The following EEPD1 variants were observed in gnomAD, a reference collection of about 807,000 sequenced individuals.
The protein encoded by EEPD1 is endonuclease/exonuclease/phosphatase family domain-containing protein 1.
EEPD1 carries 17 observed loss-of-function variants against 46.3 expected under a neutral mutation model. The ratio of observed to expected loss-of-function variants is 0.37; its 90% CI spans 0.25 to 0.55. The LOEUF (loss-of-function observed/expected upper bound fraction) is 0.55. Among genes scored for constraint, EEPD1 ranks in the 20% least tolerant of loss-of-function variants. EEPD1 has a pLI of 0.83. For synonymous variants in EEPD1, 313 were observed against 315.6 expected, an observed-to-expected ratio of 0.99 and a Z score of 0.09; for missense variants, 673 against 745.6, an observed-to-expected ratio of 0.90 and a Z score of 1.13.
chr7:36,154,084 C>A lies in EEPD1; in HGVS notation c.-192-49C>A. ...TAGCACTAGGTAGGGGGTGCTAATG[C>A]AAATTTCTTAATTCAATGGGTTTCT... On this transcript the variant is annotated intron_variant, in intron 1 of 7. Transcript: ENST00000242108. The surrounding 1 kb of genome is among the most constrained non-coding windows in gnomAD (Gnocchi z 4.2). 1.7e-6 allele frequency: 1 copy of A among 574,820 alleles called. No homozygotes were observed. Among genetic ancestry groups the A allele is most frequent in the Non-Finnish European group, 3.1e-6 (1 of 327,854 alleles). 35.6% of individuals were successfully genotyped at this position (574,820 alleles called of 1,614,324 possible). A position where few individuals can be genotyped will look rare whatever the true frequency, so the allele number is the denominator to read the frequency against.
intron 3 of EEPD1, among the ~76,000 whole-genome samples, chr7:36,264,920 A>G (rs973234400): frequency 4.6e-5 from 7 of 152,316 alleles, no homozygotes; most frequent in Admixed American, 3.3e-4. Flanking sequence ...CTGAAAAAAA[A>G]AAAAACAAAA....
chr7:36,295,666 G>A, intron 6 of EEPD1, among the ~76,000 whole-genome samples: 1 of 152,200 alleles, frequency 6.6e-6, no homozygotes, highest in East Asian at 1.9e-4. Context: ...GCCTTGGAAA[G>A]CAGGCTGGCA....
chr7:36,236,329 G>C (rs1426037444), intron 2 of EEPD1, among the ~76,000 whole-genome samples: 1 of 152,236 alleles, frequency 6.6e-6, no homozygotes, highest in African/African-American at 2.4e-5. Flanking sequence ...GCGGGCCACG[G>C]GTTCCAGGTG....
chr7:36,224,090 G>T (rs542686319), intron 2 of EEPD1, among the ~76,000 whole-genome samples: 2 of 152,288 alleles, frequency 1.3e-5, no homozygotes, highest in South Asian at 4.1e-4. Flanking sequence ...GGACTTTCCT[G>T]TGGAGCCTCA....
chr7:36,207,856 A>G (rs1262718226), intron 2 of EEPD1, among the ~76,000 whole-genome samples: 2 of 150,474 alleles, frequency 1.3e-5, no homozygotes, highest in Non-Finnish European at 3.0e-5. Context: ...CCCCAGGTGA[A>G]CTGGCTGCTT....
intron 2 of EEPD1, among the ~76,000 whole-genome samples, chr7:36,157,916 T>A (rs1202142739): frequency 3.3e-5 from 5 of 152,126 alleles, no homozygotes; most frequent in African/African-American, 1.2e-4. Flanking sequence ...TTCCAATTGT[T>A]CCCGTATTAG....
At chr7:36,173,293 C>T (rs955105302) in intron 2 of EEPD1, among the ~76,000 whole-genome samples, 6 of 136,562 alleles carry the variant, frequency 4.4e-5, no homozygotes, top group Admixed American at 1.6e-4. Flanking sequence ...TTGAGACCAT[C>T]GTGGCCAACA....
intron 3 of EEPD1, among the ~76,000 whole-genome samples, chr7:36,279,517 C>G (rs142395545): frequency 6.6e-6 from 1 of 152,342 alleles, no homozygotes; most frequent in East Asian, 1.9e-4. Flanking sequence ...AAAGACCAGA[C>G]CTTTAGACCC....
intron 2 of EEPD1, among the ~76,000 whole-genome samples, chr7:36,219,681 G>A (rs1378739303): frequency 6.8e-6 from 1 of 146,350 alleles, no homozygotes; most frequent in African/African-American, 2.7e-5. Flanking sequence ...AGGAAAGAAG[G>A]AAAGAAGAAG....
chr7:36,285,116 G>A (rs1165105500), intron 5 of EEPD1, among the ~76,000 whole-genome samples: 2 of 152,070 alleles, frequency 1.3e-5, no homozygotes, highest in African/African-American at 4.8e-5. Flanking sequence ...GAGTCTCCTG[G>A]GGAGATTTTC....
At chr7:36,262,495 TGA>T (rs916602433) in intron 3 of EEPD1, among the ~76,000 whole-genome samples, 1 of 152,166 alleles carries the variant, frequency 6.6e-6, no homozygotes, top group Non-Finnish European at 1.5e-5. Flanking sequence ...GTGAGTGACT[TGA>T]GAGATTCAAG....
At chr7:36,212,497 C>T (rs751922134) in intron 2 of EEPD1, among the ~76,000 whole-genome samples, 8 of 63,312 alleles carry the variant, frequency 1.3e-4, no homozygotes, top group Non-Finnish European at 2.9e-4. Context: ...AGTACATATA[C>T]ACCAGAATAC....
rs1169216911 is a variant in EEPD1 at position 36,299,215 on chromosome 7, A to C, written c.*9A>C. ...TCAAGCACGAGCGATGATGACACCAAATCCATGTGTCCACCCTGGGACCCA... is the reference window on the plus strand; with the variant it reads ...TCAAGCACGAGCGATGATGACACCACATCCATGTGTCCACCCTGGGACCCA... On this transcript the variant is annotated 3_prime_UTR_variant, in exon 8 of 8. Coordinates refer to ENST00000242108, the MANE Select transcript of EEPD1 (RefSeq NM_030636.3). 51 of 1,612,804 alleles carry C rather than the reference A, an allele frequency of 3.2e-5. No homozygotes were observed. The highest frequency in any genetic ancestry group is 4.2e-5 in the Non-Finnish European group (50 of 1,179,388).
chr7:36,245,022 T>G (rs1786614601), intron 3 of EEPD1, among the ~76,000 whole-genome samples: 1 of 151,964 alleles, frequency 6.6e-6, no homozygotes, highest in African/African-American at 2.4e-5. Context: ...CTCGGCTCAC[T>G]GCAACCTTCA....
chr7:36,156,912 G>C (rs532178246), intron 2 of EEPD1, among the ~76,000 whole-genome samples: 16 of 152,142 alleles, frequency 1.1e-4, no homozygotes, highest in Non-Finnish European at 1.9e-4. Flanking sequence ...TCCAGGTCTA[G>C]TCGGCCCTCC....
chr7:36,176,696 G>A (rs1369810636), intron 2 of EEPD1, among the ~76,000 whole-genome samples: 1 of 152,108 alleles, frequency 6.6e-6, no homozygotes, highest in Non-Finnish European at 1.5e-5. Flanking sequence ...TAATTAAAAA[G>A]ATAGTATATT....
intron 3 of EEPD1, among the ~76,000 whole-genome samples, chr7:36,268,706 G>A (rs1013870853): frequency 6.6e-6 from 1 of 152,182 alleles, no homozygotes; most frequent in Non-Finnish European, 1.5e-5. Flanking sequence ...CTGTAGTCTA[G>A]GCCTGAGGGA....
At position 36,297,120 on chromosome 7, in the gene EEPD1, G is replaced by C. The variant is rs1324759837; in HGVS notation, c.1443G>C (p.Lys481Asn). 1.2e-6 allele frequency: 2 copies of C among 1,614,192 alleles called. No homozygotes were observed. Among genetic ancestry groups the C allele is most frequent in the Admixed American group, 1.7e-5 (1 of 60,020 alleles). Residue 481 changes from lysine (K) to asparagine (N), a missense_variant, in exon 7 of 8, where the codon AAG becomes AAC. By Grantham distance (94) the Lys-to-Asn change is moderately conservative (BLOSUM62 0). Coordinates refer to ENST00000242108, the MANE Select transcript of EEPD1 (RefSeq NM_030636.3). ...PAHTFTNIST[K>N]NPQGSKSLDN... ...ACACCTTCACCAACATCAGCACCAA[G>C]AACCCTCAAGGCTCGAAGTCTCTGG... is the stretch of plus-strand genomic sequence containing the variant.
chr7:36,296,995 G>T lies in EEPD1; in HGVS notation c.1318G>T (p.Glu440Ter). ...AQTLQETLKG[E>*]KDVIILGDFG... ...CATTTTCTTCCTTCCACTTCCAGGA[G>T]AAAAGGATGTCATTATCTTAGGGGA... The change falls in exon 7 of 8, where the codon GAA (glutamate) becomes TAA (stop). Residue 440 changes from glutamate (E) to a stop codon, truncating the protein, a stop_gained and splice_region_variant. Coordinates refer to ENST00000242108, the MANE Select transcript of EEPD1 (RefSeq NM_030636.3). LOFTEE classifies it high-confidence loss of function. 5 of 1,613,662 alleles carry T rather than the reference G, an allele frequency of 3.1e-6. No individual in the cohort carries two copies. Among genetic ancestry groups the T allele is most frequent in the Non-Finnish European group, 4.2e-6 (5 of 1,179,632 alleles).
Sources: gnomAD v4.1 joint callset for allele counts (sites outside exome capture counted in the v4.1 genomes callset) on GRCh38, gnomAD v4.1.1 for gene constraint, Gnocchi (gnomAD v3.1) non-coding constraint, MANE v1.5 for transcripts, NCBI Gene and HGNC (gene_info 2026-07-23, HGNC 2026-07-21) for gene names.